Variants in KANK1 observed in about 807,000 individuals in gnomAD.
The protein encoded by KANK1 is KN motif and ankyrin repeat domains 1.
KANK1 carries 109 observed loss-of-function variants against 106.2 expected under a neutral mutation model. That is an observed-to-expected ratio of 1.03 (90% CI 0.88 to 1.20). KANK1 has a LOEUF of 1.20. KANK1 is among the 50% of genes most tolerant of loss of function. The pLI is 0.00. For missense variants in KANK1, 2,399 were observed against 1,710.7 expected (o/e 1.40, Z -7.10); for synonymous variants, 873 against 652.2 (o/e 1.34, Z -5.16).
chr9:644,874 A>G (rs917347048), intron 1 of KANK1, among the ~76,000 whole-genome samples: 1 of 151,104 alleles, frequency 6.6e-6, no homozygotes, highest in Non-Finnish European at 1.5e-5. Context: ...TAATCCCAGC[A>G]CTTCGGGAGG....
intron 2 of KANK1, among the ~76,000 whole-genome samples, chr9:681,931 A>AT (rs961851460): frequency 6.6e-6 from 1 of 151,944 alleles, no homozygotes; most frequent in African/African-American, 2.4e-5. Context: ...CTGGATATAT[A>AT]TTTTTTCAGA....
At chr9:662,336 C>T (rs2138140781) in intron 1 of KANK1, among the ~76,000 whole-genome samples, 1 of 152,198 alleles carries the variant, frequency 6.6e-6, no homozygotes, top group African/African-American at 2.4e-5. Flanking sequence ...CTTTAAAGTT[C>T]ATATGGAACC....
intron 2 of KANK1, among the ~76,000 whole-genome samples, chr9:688,685 G>A (rs539898841): frequency 1.3e-5 from 2 of 152,164 alleles, no homozygotes; most frequent in Non-Finnish European, 2.9e-5. Flanking sequence ...GGTATGTTGT[G>A]GCTGTCTTAA....
intron 1 of KANK1, among the ~76,000 whole-genome samples, chr9:631,911 G>A (rs534732306): frequency 1.3e-4 from 20 of 152,202 alleles, no homozygotes; most frequent in Admixed American, 7.2e-4. Flanking sequence ...GTTATCTACC[G>A]CTGTGGCTCT....
At chr9:475,966 C>T (rs1015207097) in intron 3 of KANK1, among the ~76,000 whole-genome samples, 5 of 151,888 alleles carry the variant, frequency 3.3e-5, no homozygotes, top group Admixed American at 3.3e-4. Context: ...CATTCTCCTA[C>T]CTCAGCCTCC....
At chr9:496,082 C>T (rs1160773826) in intron 3 of KANK1, among the ~76,000 whole-genome samples, 1 of 152,178 alleles carries the variant, frequency 6.6e-6, no homozygotes, top group East Asian at 1.9e-4. Context: ...GCCTCTACCA[C>T]TTGGCACTGT....
chr9:511,864 C>G (rs1411421914), intron 1 of KANK1, among the ~76,000 whole-genome samples: 2 of 152,048 alleles, frequency 1.3e-5, no homozygotes, highest in African/African-American at 4.8e-5. Flanking sequence ...TTTAGTGGCT[C>G]AAAAATTTGT....
intron 4 of KANK1, 56 bp downstream of exon 4, chr9:730,304 G>A: frequency 6.6e-7 from 1 of 1,518,388 alleles, no homozygotes; most frequent in Non-Finnish European, 9.1e-7. Context: ...AGCATTGCCA[G>A]CATTCCAATT....
chr9:644,907 G>A (rs1391399347), intron 1 of KANK1, among the ~76,000 whole-genome samples: 1 of 150,876 alleles, frequency 6.6e-6, no homozygotes, highest in East Asian at 1.9e-4. Flanking sequence ...GATTGCCTGA[G>A]CTCAGGAGTT....
chr9:664,203 C>G (rs1844033363), intron 1 of KANK1, among the ~76,000 whole-genome samples: 1 of 152,124 alleles, frequency 6.6e-6, no homozygotes, highest in South Asian at 2.1e-4. Flanking sequence ...ACCCATTAAT[C>G]TACTGCTCTT....
intron 1 of KANK1, among the ~76,000 whole-genome samples, chr9:644,005 G>A (rs1246338162): frequency 6.6e-6 from 1 of 150,674 alleles, no homozygotes; most frequent in Non-Finnish European, 1.5e-5. Flanking sequence ...GCCTGGCCTT[G>A]ATTTGTTTTT....
At chr9:515,898 C>T (rs1473928544) in intron 1 of KANK1, among the ~76,000 whole-genome samples, 1 of 151,688 alleles carries the variant, frequency 6.6e-6, no homozygotes, top group African/African-American at 2.4e-5. Flanking sequence ...TGTTTGAGTT[C>T]GTTTTGATTT....
At chr9:520,195 G>T (rs564002343) in intron 1 of KANK1, among the ~76,000 whole-genome samples, 2 of 151,592 alleles carry the variant, frequency 1.3e-5, no homozygotes, top group African/African-American at 2.4e-5. Flanking sequence ...AAAATTAGCC[G>T]TGTGTGGTAG....
At chr9:632,891 G>T (rs75265910) in intron 1 of KANK1, among the ~76,000 whole-genome samples, 22,414 of 151,796 alleles carry the variant, frequency 0.15, 1,797 homozygotes, top group Admixed American at 0.17. Flanking sequence ...ACGGGGTTTC[G>T]CCATGTTTGC....
At chr9:609,640 ATAAAT>A (rs1830122951) in intron 1 of KANK1, among the ~76,000 whole-genome samples, 1 of 152,194 alleles carries the variant, frequency 6.6e-6, no homozygotes, top group African/African-American at 2.4e-5. Flanking sequence ...CAAAAAATAA[ATAAAT>A]AAAATAAAAT....
intron 1 of KANK1, among the ~76,000 whole-genome samples, chr9:517,738 CTT>C (rs34749352): frequency 0.21 from 23,797 of 111,196 alleles, 2,392 homozygotes; most frequent in African/African-American, 0.33. Context: ...CTTGAGGATT[CTT>C]TTTTTTTTTT....
At chr9:624,015 G>GGT (rs1372229988) in intron 1 of KANK1, among the ~76,000 whole-genome samples, 2 of 152,002 alleles carry the variant, frequency 1.3e-5, no homozygotes, top group Non-Finnish European at 2.9e-5. Context: ...AAGAAAATGT[G>GGT]GTATATATAT....
intron 1 of KANK1, among the ~76,000 whole-genome samples, chr9:532,522 T>G (rs1041435967): frequency 6.6e-6 from 1 of 151,918 alleles, no homozygotes; most frequent in Admixed American, 6.6e-5. Flanking sequence ...ATTCAACCCT[T>G]AACTCCCCAT....
chr9:736,598 C>G (rs1323277749), intron 7 of KANK1, among the ~76,000 whole-genome samples: 5 of 151,878 alleles, frequency 3.3e-5, no homozygotes, highest in Non-Finnish European at 7.4e-5. Flanking sequence ...ACTTGGGAGG[C>G]TGAGGCAAGA....
Sources: allele counts gnomAD v4.1 joint callset (sites outside exome capture counted in the v4.1 genomes callset), GRCh38; gene constraint gnomAD v4.1.1; transcripts MANE v1.5; gene names NCBI Gene and HGNC (gene_info 2026-07-23, HGNC 2026-07-21).